SOAT1: variants seen among roughly 807,000 people sequenced by gnomAD.
SOAT1 encodes the protein acyl-coenzyme A:cholesterol acyltransferase 1.
A neutral mutation model predicts 69.5 loss-of-function variants in SOAT1; 55 were observed. The ratio of observed to expected loss-of-function variants is 0.79; its 90% CI spans 0.64 to 0.99. SOAT1 has a LOEUF of 0.99. SOAT1 is among the 50% of genes least tolerant of loss of function. The pLI is 0.00. For synonymous variants in SOAT1, 231 were observed against 224.7 expected (o/e 1.03, Z -0.25); for missense variants, 580 against 669.3 (o/e 0.87, Z 1.47).
chr1:179,328,458 C>T (rs565317997), intron 3 of SOAT1, among the ~76,000 whole-genome samples: 1 of 152,322 alleles, frequency 6.6e-6, no homozygotes, highest in Admixed American at 6.5e-5. Context: ...TTCCCACTCA[C>T]TTTCTTTCAA....
intron 2 of SOAT1, among the ~76,000 whole-genome samples, chr1:179,308,656 A>G (rs1180255873): frequency 6.9e-6 from 1 of 144,032 alleles, no homozygotes; most frequent in Non-Finnish European, 1.5e-5. Context: ...TGGGTGACAG[A>G]GTAAGACTCC....
chr1:179,295,046 G>A (rs1214041247), intron 1 of SOAT1, among the ~76,000 whole-genome samples: 1 of 152,046 alleles, frequency 6.6e-6, no homozygotes, highest in Non-Finnish European at 1.5e-5. Context: ...GAGCTCTGTG[G>A]CACTGAATTA....
intron 8 of SOAT1, 98 bp from the exon 9 acceptor site, chr1:179,342,764 T>C: frequency 1.3e-6 from 1 of 798,692 alleles, no homozygotes; most frequent in Non-Finnish European, 2.1e-6. Context: ...ATAAGTCATT[T>C]TATTCTTCCC....
In SOAT1 at chr1:179,344,388, T is replaced by G. The variant is rs1201086251; in HGVS notation, c.988-559T>G. 2.7e-5 allele frequency among the ~76,000 whole-genome samples: 3 copies of G among 109,212 alleles called. No individual in the cohort carries two copies. In the East Asian group the frequency reaches 9.8e-4, roughly 36 times the overall value. 71.6% of individuals were successfully genotyped at this position (109,212 alleles called of 152,430 possible). On this transcript the variant is annotated intron_variant, in intron 10 of 15. Coordinates refer to ENST00000367619, the MANE Select transcript of SOAT1 (RefSeq NM_003101.6). ...TTTTTTTTTTTTTTTTTTTTTTTTT[T>G]TTTTGAGAAGGAGTCCTGCTCTGTT...
chr1:179,297,539 C>T (rs1664691044), intron 1 of SOAT1, among the ~76,000 whole-genome samples: 1 of 151,706 alleles, frequency 6.6e-6, no homozygotes, highest in South Asian at 2.1e-4. Context: ...GTTTCATCAT[C>T]TTGGCCAGGC....
At chr1:179,300,369 T>C (rs566485713) in intron 1 of SOAT1, among the ~76,000 whole-genome samples, 1 of 152,318 alleles carries the variant, frequency 6.6e-6, no homozygotes, top group South Asian at 2.1e-4. Context: ...CTGTCACTTT[T>C]ACACAGAATT....
intron 2 of SOAT1, among the ~76,000 whole-genome samples, chr1:179,321,280 T>A (rs1220430252): frequency 1.3e-5 from 2 of 152,156 alleles, no homozygotes; most frequent in Non-Finnish European, 2.9e-5. Context: ...CATTTTTTTT[T>A]ATTCTTGGCA....
chr1:179,348,272 C>T (rs1312363999), intron 12 of SOAT1, among the ~76,000 whole-genome samples: 1 of 152,166 alleles, frequency 6.6e-6, no homozygotes, highest in Non-Finnish European at 1.5e-5. Flanking sequence ...AAGTCTACCA[C>T]CTTTTTTCTC....
chr1:179,337,814 G>A, intron 4 of SOAT1, 23 bp from the exon 5 acceptor site: 2 of 1,571,508 alleles, frequency 1.3e-6, no homozygotes, highest in Non-Finnish European at 1.7e-6. Context: ...CTTATATCTT[G>A]TTTTAATTTT....
chr1:179,344,773 G>A (rs1172821184), intron 10 of SOAT1, among the ~76,000 whole-genome samples, 174 bp from the exon 11 acceptor site: 3 of 152,104 alleles, frequency 2.0e-5, no homozygotes, highest in Admixed American at 2.0e-4. Context: ...GTAGAAACTA[G>A]GCTTGAGTAA....
chr1:179,342,287 C>T (rs1435116530), intron 8 of SOAT1, 95 bp downstream of exon 8: 1 of 663,660 alleles, frequency 1.5e-6, no homozygotes, highest in Non-Finnish European at 2.5e-6. Flanking sequence ...TTCCTTCTTT[C>T]CTTCCCTCCC....
In SOAT1 at chr1:179,302,674, T is replaced by A. The variant is rs756534587; in HGVS notation, c.-8-3T>A. 1 of 1,580,964 alleles carries A rather than the reference T, an allele frequency of 6.3e-7. No homozygotes were observed. Among genetic ancestry groups the A allele is most frequent in the Non-Finnish European group, 8.6e-7 (1 of 1,166,704 alleles). On this transcript the variant is annotated splice_polypyrimidine_tract_variant and splice_region_variant and intron_variant, in intron 1 of 15. Transcript: ENST00000367619. ...CGAAAGCTTTTTACACCTTCTTTCC[T>A]AGACAATACAATGGTGGGTGAAGAG...
At chr1:179,353,474 G>A (rs1037481954) in intron 15 of SOAT1, 111 bp from the exon 16 acceptor site, 1 of 909,544 alleles carries the variant, frequency 1.1e-6, no homozygotes, top group African/African-American at 1.7e-5. Flanking sequence ...TGAAATGGTG[G>A]GAGGCATTTT....
At chr1:179,346,992 G>C (rs186478464) in intron 11 of SOAT1, among the ~76,000 whole-genome samples, 8 of 152,104 alleles carry the variant, frequency 5.3e-5, no homozygotes, top group Admixed American at 3.9e-4. Context: ...TGTTTAAGAG[G>C]GGGGTATGGG....
chr1:179,312,243 C>T (rs1381981502), intron 2 of SOAT1, among the ~76,000 whole-genome samples: 1 of 152,102 alleles, frequency 6.6e-6, no homozygotes, highest in African/African-American at 2.4e-5. Flanking sequence ...TTTTCTGTAG[C>T]GCATGGCAAT....
At chr1:179,340,046 G>A (rs1571446057) in intron 6 of SOAT1, among the ~76,000 whole-genome samples, 1 of 152,148 alleles carries the variant, frequency 6.6e-6, no homozygotes, top group Admixed American at 6.6e-5. Context: ...TTTGGTGTCT[G>A]CACAGTTTCC....
At chr1:179,345,476 G>A (rs933283249) in intron 11 of SOAT1, among the ~76,000 whole-genome samples, 1 of 152,138 alleles carries the variant, frequency 6.6e-6, no homozygotes, top group Non-Finnish European at 1.5e-5. Flanking sequence ...GATGGATTAA[G>A]ATGTACTTTA....
chr1:179,295,378 C>T (rs1401581734), intron 1 of SOAT1, among the ~76,000 whole-genome samples: 1 of 152,174 alleles, frequency 6.6e-6, no homozygotes, highest in Non-Finnish European at 1.5e-5. Flanking sequence ...CCCATTAAGC[C>T]CTCCATGAAC....
chr1:179,317,300 G>C (rs1003069359), intron 2 of SOAT1, among the ~76,000 whole-genome samples: 2 of 152,136 alleles, frequency 1.3e-5, no homozygotes, highest in Admixed American at 1.3e-4. Flanking sequence ...TTGGAAGGCC[G>C]AGGCGGGCGG....
Sources: gnomAD v4.1 joint callset for allele counts (sites outside exome capture counted in the v4.1 genomes callset) on GRCh38, gnomAD v4.1.1 for gene constraint, MANE v1.5 for transcripts, NCBI Gene and HGNC (gene_info 2026-07-23, HGNC 2026-07-21) for gene names.